The following WDFY2 variants were observed in gnomAD, a reference collection of about 807,000 sequenced individuals.
The protein encoded by WDFY2 is WD repeat and FYVE domain containing 2.
A neutral mutation model predicts 56.4 loss-of-function variants in WDFY2; 36 were observed. The observed-to-expected ratio is 0.64, with a 90% confidence interval of 0.49 to 0.84. The LOEUF (loss-of-function observed/expected upper bound fraction) is 0.84, where lower values mean the gene tolerates loss of function less well. WDFY2 is among the 40% of genes least tolerant of loss of function. WDFY2 has a pLI of 0.00. For synonymous variants in WDFY2, 176 were observed against 183.7 expected, an observed-to-expected ratio of 0.96 and a Z score of 0.34; for missense variants, 444 against 512.2, an observed-to-expected ratio of 0.87 and a Z score of 1.29.
chr13:51,739,154 C>A lies in WDFY2; in HGVS notation c.704C>A (p.Ala235Asp). 6.3e-7 allele frequency: 1 copy of A among 1,592,240 alleles called. No homozygotes were observed. Among genetic ancestry groups the A allele is most frequent in the Non-Finnish European group, 8.5e-7 (1 of 1,169,684 alleles). ...GACATCGGTGGGAGAAAAGGAACAG[C>A]CATCGAGCTCCAAGGACACAAGTAA... ...MWDIGGRKGT[A>D]IELQGHNDRV... Residue 235 changes from alanine to aspartate, a missense_variant, in exon 7 of 12, where the codon GCC becomes GAC. Coordinates refer to ENST00000298125, the MANE Select transcript of WDFY2 (RefSeq NM_052950.4).
intron 7 of WDFY2, among the ~76,000 whole-genome samples, chr13:51,748,570 A>G (rs534772360): frequency 2.6e-5 from 4 of 152,312 alleles, no homozygotes; most frequent in East Asian, 1.9e-4. Context: ...TGATAACACA[A>G]TTTTAAATAA....
chr13:51,616,688 A>G (rs1477328072), intron 1 of WDFY2, among the ~76,000 whole-genome samples: 2 of 152,222 alleles, frequency 1.3e-5, no homozygotes, highest in Non-Finnish European at 2.9e-5. Flanking sequence ...TCTTCCACTT[A>G]TTCTTCATCA....
rs1412489123 is a variant in WDFY2, at chr13:51,675,214, T to A, written c.250T>A (p.Ser84Thr). Reference sequence around the variant, plus strand: ...TTTTAACCCGGAAACAAGAAGACTGTCCATAGGTCTAGACAATGGTACAAT... The same window carrying A: ...TTTTAACCCGGAAACAAGAAGACTGACCATAGGTCTAGACAATGGTACAAT... Reference protein sequence around the residue: ...MSFNPETRRLSIGLDNGTISE... With the variant: ...MSFNPETRRLTIGLDNGTISE... Residue 84 changes from serine (S) to threonine (T), a missense_variant, in exon 3 of 12, where the codon TCC becomes ACC. By Grantham distance (58) the Ser-to-Thr change is moderately conservative. Coordinates refer to ENST00000298125, the MANE Select transcript of WDFY2 (RefSeq NM_052950.4). 1 of 1,613,938 alleles carries A rather than the reference T, an allele frequency of 6.2e-7. No homozygotes were observed. Among genetic ancestry groups the A allele is most frequent in the Non-Finnish European group, 8.5e-7 (1 of 1,179,866 alleles).
chr13:51,698,661 T>C (rs368869622), intron 3 of WDFY2, among the ~76,000 whole-genome samples: 74 of 152,294 alleles, frequency 4.9e-4, no homozygotes, highest in Middle Eastern at 3.4e-3. Context: ...AAAATTGAAA[T>C]GGGGTTGGGA....
chr13:51,624,166 A>C (rs1384450285), intron 1 of WDFY2, among the ~76,000 whole-genome samples: 1 of 152,218 alleles, frequency 6.6e-6, no homozygotes, highest in Non-Finnish European at 1.5e-5. Context: ...TGGACAGATT[A>C]CTGCTGGATT....
chr13:51,687,234 T>C (rs1266206016), intron 3 of WDFY2, among the ~76,000 whole-genome samples: 1 of 151,902 alleles, frequency 6.6e-6, no homozygotes, highest in Non-Finnish European at 1.5e-5. Context: ...TGCCAGGCAG[T>C]GTTCTAGGTA....
rs187264205 is a variant in WDFY2, at chr13:51,706,291, G to C, written c.334+2641G>C. 3.6e-4 allele frequency among the ~76,000 whole-genome samples: 55 copies of C among 152,312 alleles called. 1 individual carries two copies. Among genetic ancestry groups the C allele is most frequent in the Admixed American group, 3.6e-3 (55 of 15,296 alleles). On this transcript the variant is annotated intron_variant, in intron 4 of 11. Transcript: ENST00000298125. ...AAAATTTCTATGAGCCAGAACCAAA[G>C]AGAGAACTAAAACTCAGAGTGATAC...
At chr13:51,735,053 A>G (rs528338878) in intron 6 of WDFY2, among the ~76,000 whole-genome samples, 2 of 152,324 alleles carry the variant, frequency 1.3e-5, no homozygotes, top group African/African-American at 4.8e-5. Context: ...AAAGAACTAT[A>G]CAGTTCATCA....
chr13:51,650,229 G>A (rs1258309520), intron 1 of WDFY2, among the ~76,000 whole-genome samples: 15 of 152,112 alleles, frequency 9.9e-5, no homozygotes, highest in East Asian at 1.9e-4. Flanking sequence ...TGTTATTGGT[G>A]TATAAGAATG....
intron 1 of WDFY2, among the ~76,000 whole-genome samples, chr13:51,648,677 C>T (rs1159826301): frequency 1.2e-4 from 18 of 152,152 alleles, no homozygotes; most frequent in Non-Finnish European, 4.4e-5. Flanking sequence ...CCATGGCACA[C>T]TTATACCTAT....
At chr13:51,638,053 G>C (rs1955085866) in intron 1 of WDFY2, among the ~76,000 whole-genome samples, 1 of 152,218 alleles carries the variant, frequency 6.6e-6, no homozygotes, top group African/African-American at 2.4e-5. Context: ...TGGTTTGAAT[G>C]CCTCTGACAA....
intron 5 of WDFY2, among the ~76,000 whole-genome samples, chr13:51,725,181 C>T (rs554684674): frequency 1.3e-5 from 2 of 152,144 alleles, no homozygotes; most frequent in African/African-American, 4.8e-5. Flanking sequence ...AAAACATTGG[C>T]ATAGTTCCTC....
At chr13:51,720,972 A>C (rs1398521072) in intron 5 of WDFY2, among the ~76,000 whole-genome samples, 1 of 141,408 alleles carries the variant, frequency 7.1e-6, no homozygotes. Context: ...CTCTCTCTCT[A>C]TTTCACACAC....
intron 1 of WDFY2, among the ~76,000 whole-genome samples, chr13:51,653,464 G>A (rs1367393814): frequency 6.6e-6 from 1 of 152,204 alleles, no homozygotes; most frequent in African/African-American, 2.4e-5. Flanking sequence ...TTCCTTTGGA[G>A]GAGAAGAGGC....
intron 8 of WDFY2, 142 bp from the exon 9 acceptor site, chr13:51,755,216 T>C (rs1003023875): frequency 1.1e-5 from 8 of 750,948 alleles, no homozygotes; most frequent in East Asian, 8.1e-5. Flanking sequence ...TCAGTAAATA[T>C]TTTTTGAATG....
At chr13:51,680,285 G>A (rs990326654) in intron 3 of WDFY2, among the ~76,000 whole-genome samples, 9 of 152,056 alleles carry the variant, frequency 5.9e-5, no homozygotes, top group African/African-American at 1.4e-4. Flanking sequence ...GGCTTTTTTC[G>A]TAGATGGGGT....
intron 7 of WDFY2, among the ~76,000 whole-genome samples, chr13:51,742,619 T>G (rs1183473278): frequency 6.6e-6 from 1 of 152,206 alleles, no homozygotes; most frequent in East Asian, 1.9e-4. Flanking sequence ...TACTGTCATT[T>G]CTTGACCAAC....
intron 1 of WDFY2, among the ~76,000 whole-genome samples, chr13:51,640,344 A>G (rs1299932071): frequency 1.3e-5 from 2 of 152,228 alleles, no homozygotes; most frequent in Non-Finnish European, 2.9e-5. Flanking sequence ...ACACACAGAA[A>G]TAGCAATATA....
In WDFY2 at chr13:51,763,173, A is replaced by G. The variant is rs899776685; in HGVS notation, c.*3404A>G. 4.6e-5 allele frequency: 7 copies of G among 152,228 alleles called. No individual in the cohort carries two copies. The highest frequency in any genetic ancestry group is 1.7e-4 in the African/African-American group (7 of 41,454). The allele number at this position is 152,228 out of a possible 1,614,324, so 9.4% of individuals were successfully genotyped here. On this transcript the variant is annotated 3_prime_UTR_variant, in exon 12 of 12. Coordinates refer to ENST00000298125, the MANE Select transcript of WDFY2 (RefSeq NM_052950.4). Reference sequence around the variant, plus strand: ...GAATCTAAAAGAATGTTCAAGGAATAGCTGTTTTTGAACATTACTTAGTAA... The same window carrying G: ...GAATCTAAAAGAATGTTCAAGGAATGGCTGTTTTTGAACATTACTTAGTAA...
Sources: gnomAD v4.1 joint callset for allele counts (sites outside exome capture counted in the v4.1 genomes callset) on GRCh38, gnomAD v4.1.1 for gene constraint, MANE v1.5 for transcripts, NCBI Gene and HGNC (gene_info 2026-07-23, HGNC 2026-07-21) for gene names.